The following MRTFB variants were observed in gnomAD, a reference collection of about 807,000 sequenced individuals.
The protein encoded by MRTFB is myocardin related transcription factor B.
A neutral mutation model predicts 104.2 loss-of-function variants in MRTFB; 29 were observed. That is an observed-to-expected ratio of 0.28 (90% confidence interval 0.21 to 0.38). MRTFB has a LOEUF of 0.38. Ranked by LOEUF, MRTFB falls within the 10% of genes least tolerant of loss-of-function variation. MRTFB has a pLI of 1.00. For synonymous variants in MRTFB, 535 were observed against 519.5 expected, an observed-to-expected ratio of 1.03 and a Z score of -0.41; for missense variants, 1,270 against 1,341.6, an observed-to-expected ratio of 0.95 and a Z score of 0.83.
chr16:14,189,319 C>G (rs530995682), intron 3 of MRTFB, among the ~76,000 whole-genome samples: 1 of 152,304 alleles, frequency 6.6e-6, no homozygotes, highest in South Asian at 2.1e-4. Flanking sequence ...CAGTGTTTAG[C>G]TCATCAGATT....
the MRTFB span, among the ~76,000 whole-genome samples, chr16:14,064,511 G>C: frequency 6.6e-6 from 1 of 152,162 alleles, no homozygotes; most frequent in East Asian, 1.9e-4. Flanking sequence ...AATTGTTTTT[G>C]GCATCTTCAT....
the MRTFB span, among the ~76,000 whole-genome samples, chr16:14,026,748 C>G: frequency 6.6e-6 from 1 of 152,072 alleles, no homozygotes. Context: ...AAGGCATGAA[C>G]AGACATTTCA....
At chr16:14,074,638 G>T (rs529337253) in intron 1 of MRTFB, among the ~76,000 whole-genome samples, 24 of 152,214 alleles carry the variant, frequency 1.6e-4, no homozygotes, top group Non-Finnish European at 2.6e-4. Flanking sequence ...GCATCTTAGA[G>T]TCAATGAAAT....
chr16:14,068,604 CTGTG>C (rs1269153951), upstream of MRTFB, among the ~76,000 whole-genome samples: 5 of 152,178 alleles, frequency 3.3e-5, no homozygotes, highest in African/African-American at 9.6e-5. Context: ...TTGCGTGTTG[CTGTG>C]TGTGTTGTTG....
At chr16:14,012,295 C>CTTTTTT in the MRTFB span, among the ~76,000 whole-genome samples, 592 of 107,806 alleles carry the variant, frequency 5.5e-3, 66 homozygotes, top group African/African-American at 0.014. Context: ...CTTTTTCTTT[C>CTTTTTT]TTTCTTTTTT....
chr16:14,227,255 A>C (rs1403381051), intron 8 of MRTFB, among the ~76,000 whole-genome samples: 1 of 151,380 alleles, frequency 6.6e-6, no homozygotes, highest in Non-Finnish European at 1.5e-5. Context: ...TCACTGCATT[A>C]GTTCCCGTGA....
intron 3 of MRTFB, among the ~76,000 whole-genome samples, chr16:14,166,487 G>C (rs2039246890): frequency 1.3e-5 from 2 of 152,230 alleles, no homozygotes; most frequent in East Asian, 3.9e-4. Context: ...TACAAAAGTG[G>C]TTTACATTTT....
At chr16:14,154,864 T>C (rs1429733324) in intron 3 of MRTFB, among the ~76,000 whole-genome samples, 1 of 152,246 alleles carries the variant, frequency 6.6e-6, no homozygotes, top group Non-Finnish European at 1.5e-5. Context: ...CATGACAGTT[T>C]TCTTTATGAA....
the MRTFB span, among the ~76,000 whole-genome samples, chr16:14,036,785 T>C: frequency 0.02 from 3,032 of 152,118 alleles, 101 homozygotes; most frequent in African/African-American, 0.069. Context: ...ACTCTTAAAG[T>C]TCATGGTGAG....
chr16:14,242,287 C>T (rs1370338925), intron 10 of MRTFB, among the ~76,000 whole-genome samples: 2 of 152,080 alleles, frequency 1.3e-5, no homozygotes, highest in Non-Finnish European at 2.9e-5. Context: ...TTTGTCTTTC[C>T]ATTAAGGCTT....
intron 10 of MRTFB, 145 bp from the exon 11 acceptor site, chr16:14,245,383 G>A (rs1377347156): frequency 1.4e-5 from 9 of 650,880 alleles, no homozygotes; most frequent in Non-Finnish European, 2.2e-5. Flanking sequence ...GAGATCTAAT[G>A]TAATTGGCAT....
the MRTFB span, among the ~76,000 whole-genome samples, chr16:14,028,359 G>T: frequency 6.6e-6 from 1 of 152,138 alleles, no homozygotes; most frequent in South Asian, 2.1e-4. Context: ...CATGGCCTTA[G>T]GCTCCTGGAT....
At chr16:14,199,010 AC>A (rs2040562700) in intron 3 of MRTFB, among the ~76,000 whole-genome samples, 2 of 152,116 alleles carry the variant, frequency 1.3e-5, no homozygotes, top group African/African-American at 2.4e-5. Context: ...CAAGTTTCAC[AC>A]CCTCAAGTTT....
chr16:14,076,748 G>C (rs1253712496), intron 1 of MRTFB, among the ~76,000 whole-genome samples: 3 of 152,148 alleles, frequency 2.0e-5, no homozygotes, highest in Non-Finnish European at 1.5e-5. Flanking sequence ...CACTTATTTT[G>C]AACTTGCCTA....
chr16:14,052,977 T>C, the MRTFB span, among the ~76,000 whole-genome samples: 7 of 152,230 alleles, frequency 4.6e-5, no homozygotes, highest in African/African-American at 1.7e-4. Context: ...TTTGTTTTTC[T>C]GTTCCTCGCT....
chr16:14,144,996 G>GTATA (rs550789001), intron 3 of MRTFB, among the ~76,000 whole-genome samples: 2 of 103,440 alleles, frequency 1.9e-5, no homozygotes, highest in Admixed American at 9.3e-5. Context: ...ATATATATAT[G>GTATA]TATATATATA....
the MRTFB span, chr16:14,020,961 A>T: frequency 6.6e-6 from 1 of 152,222 alleles, no homozygotes; most frequent in Non-Finnish European, 1.5e-5. Context: ...TGAACTTAAC[A>T]ACAAGACTTT....
At position 14,219,979 on chromosome 16, in the gene MRTFB, A is replaced by G. The variant is rs186179726; in HGVS notation, c.693+981A>G. Among the ~76,000 whole-genome samples the G allele has an allele frequency of 1.6e-4, 25 of 152,320 alleles. No homozygotes were observed. In the East Asian group the frequency reaches 4.8e-3, roughly 29 times the overall value. ...TTCAGCACCTTGAATGCAGACTGAC[A>G]CAATGGTTGTGGAAGCTTGTTTCTC... On this transcript the variant is annotated intron_variant, in intron 8 of 16. Transcript: ENST00000571589.
Position 14,264,712 on chromosome 16 carries a change from C to T in MRTFB, c.*3268C>T, listed in dbSNP as rs1436193371. On this transcript the variant is annotated 3_prime_UTR_variant, in exon 17 of 17. Coordinates refer to ENST00000571589, the MANE Select transcript of MRTFB (RefSeq NM_001308142.2). ...TGCTGTTTAGAAACAGTGGCAAAGG[C>T]AGGGTGGTGCTGCCTGCAAGCTGCT... The T allele has an allele frequency of 6.6e-6, 1 of 152,200 alleles. No homozygotes were observed. The allele number at this position is 152,200 out of a possible 1,614,324, so 9.4% of individuals were successfully genotyped here.
Sources: gnomAD v4.1 joint callset for allele counts (sites outside exome capture counted in the v4.1 genomes callset) on GRCh38, gnomAD v4.1.1 for gene constraint, MANE v1.5 for transcripts, NCBI Gene and HGNC (gene_info 2026-07-23, HGNC 2026-07-21) for gene names.